Variants in FMN1 observed in about 807,000 individuals in gnomAD.
The protein encoded by FMN1 is formin-1.
A neutral mutation model predicts 132.4 loss-of-function variants in FMN1; 110 were observed. The ratio of observed to expected loss-of-function variants is 0.83; its 90% confidence interval spans 0.71 to 0.97. The LOEUF (loss-of-function observed/expected upper bound fraction) is 0.97, where lower values mean the gene tolerates loss of function less well. FMN1 is among the 50% of genes least tolerant of loss of function. The pLI is 0.00. For synonymous variants in FMN1, 722 were observed against 651.7 expected (o/e 1.11, Z -1.64); for missense variants, 1,792 against 1,705.3 (o/e 1.05, Z -0.90).
chr15:33,116,022 G>A (rs1034355834), intron 4 of FMN1, among the ~76,000 whole-genome samples: 15 of 152,044 alleles, frequency 9.9e-5, no homozygotes, highest in African/African-American at 3.1e-4. Context: ...AGGGTGAATG[G>A]GGACTGTAAT....
At chr15:33,012,109 C>T (rs1293469091) in intron 6 of FMN1, 1 of 421,456 alleles carries the variant, frequency 2.4e-6, no homozygotes, top group African/African-American at 2.0e-5. Context: ...TCTCTCTTCC[C>T]ACTGCTGTCA....
intron 3 of FMN1, among the ~76,000 whole-genome samples, chr15:33,165,725 G>A (rs925316734): frequency 1.3e-5 from 2 of 152,016 alleles, no homozygotes; most frequent in Admixed American, 6.6e-5. Context: ...GCAAAGAGAC[G>A]ATTGTAACCC....
At chr15:32,907,979 T>C (rs1448291310) in intron 12 of FMN1, among the ~76,000 whole-genome samples, 2 of 152,020 alleles carry the variant, frequency 1.3e-5, no homozygotes, top group Admixed American at 6.6e-5. Flanking sequence ...AGATAGTGAC[T>C]GGAGAGAAAA....
At chr15:33,128,323 C>T (rs140593743) in intron 4 of FMN1, among the ~76,000 whole-genome samples, 6 of 152,294 alleles carry the variant, frequency 3.9e-5, no homozygotes, top group African/African-American at 1.2e-4. Context: ...CGACCATCAA[C>T]GGGGTCTGAT....
At chr15:33,116,015 G>T (rs1048580120) in intron 4 of FMN1, among the ~76,000 whole-genome samples, 2 of 152,134 alleles carry the variant, frequency 1.3e-5, no homozygotes, top group African/African-American at 4.8e-5. Context: ...TTTTCTTAGG[G>T]TGAATGGGGA....
At chr15:32,895,089 T>C (rs943501146) in intron 15 of FMN1, among the ~76,000 whole-genome samples, 4 of 152,148 alleles carry the variant, frequency 2.6e-5, no homozygotes, top group East Asian at 3.8e-4. Context: ...TAAGCTATTA[T>C]AAGTAAATAG....
At chr15:33,161,940 A>G (rs1964913439) in intron 3 of FMN1, among the ~76,000 whole-genome samples, 1 of 152,012 alleles carries the variant, frequency 6.6e-6, no homozygotes. Context: ...AGAAAAAAAA[A>G]AAAAGGAAGT....
chr15:33,166,330 T>TC (rs1595590789), intron 3 of FMN1, among the ~76,000 whole-genome samples: 1 of 151,680 alleles, frequency 6.6e-6, no homozygotes, highest in African/African-American at 2.4e-5. Flanking sequence ...TTTTCTTTTT[T>TC]TTTTTTTAAA....
At chr15:32,823,476 C>T (rs796663526) in intron 17 of FMN1, among the ~76,000 whole-genome samples, 26 of 152,184 alleles carry the variant, frequency 1.7e-4, no homozygotes, top group African/African-American at 6.0e-4. Flanking sequence ...GAGTTTCTAT[C>T]GTTATTGCCT....
At chr15:33,078,809 GA>G (rs910796401) in intron 5 of FMN1, among the ~76,000 whole-genome samples, 55 of 151,952 alleles carry the variant, frequency 3.6e-4, no homozygotes, top group Non-Finnish European at 7.5e-4. Flanking sequence ...AGAGAGAGAG[GA>G]AAAAAATGCT....
At chr15:33,015,928 C>T (rs972784129) in intron 6 of FMN1, among the ~76,000 whole-genome samples, 1 of 152,096 alleles carries the variant, frequency 6.6e-6, no homozygotes, top group Non-Finnish European at 1.5e-5. Context: ...GGAGTTTGGT[C>T]CCTGGACCAG....
intron 3 of FMN1, among the ~76,000 whole-genome samples, chr15:33,169,578 A>G (rs1965234807): frequency 6.6e-6 from 1 of 152,168 alleles, no homozygotes; most frequent in South Asian, 2.1e-4. Context: ...AACTCTGAAC[A>G]CAGTTCTAAC....
chr15:33,028,997 T>A (rs530424700), intron 6 of FMN1, among the ~76,000 whole-genome samples: 6 of 152,278 alleles, frequency 3.9e-5, no homozygotes, highest in East Asian at 3.9e-4. Context: ...CTGTGACAAG[T>A]AAGAATGTTT....
intron 4 of FMN1, among the ~76,000 whole-genome samples, chr15:33,126,119 T>C (rs906732824): frequency 2.6e-5 from 4 of 152,136 alleles, no homozygotes; most frequent in Non-Finnish European, 4.4e-5. Context: ...TTTGCAGCTG[T>C]GGCTGCCACA....
intron 19 of FMN1, among the ~76,000 whole-genome samples, chr15:32,796,105 T>C (rs1196929325): frequency 6.6e-6 from 1 of 152,240 alleles, no homozygotes; most frequent in East Asian, 1.9e-4. Context: ...TATCTTGTTA[T>C]GAAGATGCAT....
Position 32,771,326 on chromosome 15 carries a change from C to T in FMN1, c.*2984G>A, listed in dbSNP as rs3930082. 0.55 allele frequency: 82,824 copies of T among 151,444 alleles called. 23,380 individuals are homozygous for T. The highest frequency in any genetic ancestry group is 0.77 in the East Asian group (3,838 of 5,008). The allele number at this position is 151,444 out of a possible 1,614,324, so 9.4% of individuals were successfully genotyped here. A position where few individuals can be genotyped will look rare whatever the true frequency, so the allele number is the denominator to read the frequency against. On this transcript the variant is annotated 3_prime_UTR_variant, in exon 21 of 21. Transcript: ENST00000616417. ...ATCTCCTGACCTCGTGATCCGCCCC[C>T]GCTTGGCCTCCCAAAGTGCTGGGAT...
At chr15:32,970,134 CACTTT>C (rs1463900405) in intron 7 of FMN1, among the ~76,000 whole-genome samples, 1 of 152,158 alleles carries the variant, frequency 6.6e-6, no homozygotes, top group Non-Finnish European at 1.5e-5. Context: ...ATTTACACAG[CACTTT>C]AAAGTATATA....
At chr15:32,967,485 T>C (rs1327271552) in intron 8 of FMN1, among the ~76,000 whole-genome samples, 4 of 152,316 alleles carry the variant, frequency 2.6e-5, no homozygotes, top group Admixed American at 1.3e-4. Flanking sequence ...TTCTGGGAAA[T>C]GATTTTTTAG....
At chr15:33,041,489 T>A (rs1596533982) in intron 6 of FMN1, among the ~76,000 whole-genome samples, 1 of 132,658 alleles carries the variant, frequency 7.5e-6, no homozygotes. Context: ...AAAAAAAGAC[T>A]GGAAAAAAAT....
Sources: gnomAD v4.1 joint callset for allele counts (sites outside exome capture counted in the v4.1 genomes callset) on GRCh38, gnomAD v4.1.1 for gene constraint, MANE v1.5 for transcripts, NCBI Gene and HGNC (gene_info 2026-07-23, HGNC 2026-07-21) for gene names.